Variants in GXYLT2 observed in about 807,000 individuals in gnomAD.
GXYLT2 encodes the protein glycosyltransferase 8 domain containing 4.
GXYLT2 carries 53 observed loss-of-function variants against 45.8 expected under a neutral mutation model. That is an observed-to-expected ratio of 1.16 (90% CI 0.93 to 1.46). GXYLT2 has a LOEUF of 1.46. Ranked by LOEUF, GXYLT2 falls within the 40% of genes most tolerant of loss-of-function variation. The probability of loss-of-function intolerance (pLI) is 0.00; values close to 1 mark genes in which losing one functional copy is unlikely to be tolerated. For missense variants in GXYLT2, 551 were observed against 544.4 expected (o/e 1.01, Z -0.12); for synonymous variants, 219 against 214.2 (o/e 1.02, Z -0.19).
chr3:72,938,183 C>T (rs770778727), intron 3 of GXYLT2, among the ~76,000 whole-genome samples: 11 of 152,152 alleles, frequency 7.2e-5, no homozygotes, highest in Non-Finnish European at 1.5e-4. Flanking sequence ...ACAGAAGGCA[C>T]TCTGTAAAAC....
chr3:72,960,889 T>C (rs948689888), intron 5 of GXYLT2, among the ~76,000 whole-genome samples: 3 of 152,242 alleles, frequency 2.0e-5, no homozygotes, highest in East Asian at 1.9e-4. Context: ...TTTATTGTTA[T>C]GGTTCTTCAG....
chr3:72,921,407 C>G (rs1322754023), intron 2 of GXYLT2, among the ~76,000 whole-genome samples: 9 of 151,960 alleles, frequency 5.9e-5, no homozygotes, highest in Non-Finnish European at 1.3e-4. Flanking sequence ...GTACATTATT[C>G]TATTTTTCTT....
At chr3:72,909,317 G>A (rs2107081772) in intron 2 of GXYLT2, among the ~76,000 whole-genome samples, 1 of 150,822 alleles carries the variant, frequency 6.6e-6, no homozygotes, top group Non-Finnish European at 1.5e-5. Context: ...TGATCCACCT[G>A]CCTGTCCCTC....
At chr3:72,956,477 A>C (rs752449332) in intron 4 of GXYLT2, among the ~76,000 whole-genome samples, 2 of 152,184 alleles carry the variant, frequency 1.3e-5, no homozygotes, top group Non-Finnish European at 2.9e-5. Context: ...TCCTTAAGAT[A>C]CCTGAACTCT....
chr3:72,953,775 A>T (rs1452251079), intron 3 of GXYLT2, among the ~76,000 whole-genome samples: 1 of 152,150 alleles, frequency 6.6e-6, no homozygotes. Context: ...TGCATTGCCT[A>T]ATCCCAAGAC....
intron 6 of GXYLT2, among the ~76,000 whole-genome samples, chr3:72,974,195 G>A (rs1321937876): frequency 2.6e-5 from 4 of 152,062 alleles, no homozygotes. Context: ...GTAACTAAGT[G>A]GTCTGAAAGA....
chr3:72,913,111 C>T (rs1005823625), intron 2 of GXYLT2, among the ~76,000 whole-genome samples: 11 of 150,030 alleles, frequency 7.3e-5, no homozygotes, highest in Admixed American at 2.7e-4. Context: ...AATCTCGGCT[C>T]ACTGCAAGCT....
chr3:72,953,756 C>T (rs1710573023), intron 3 of GXYLT2, among the ~76,000 whole-genome samples: 1 of 152,126 alleles, frequency 6.6e-6, no homozygotes, highest in Admixed American at 6.5e-5. Flanking sequence ...ACAAAGCTAG[C>T]CAATGACTTG....
chr3:72,908,330 T>G (rs1709547111), intron 1 of GXYLT2, 37 bp from the exon 2 acceptor site: 1 of 1,511,498 alleles, frequency 6.6e-7, no homozygotes, highest in African/African-American at 1.4e-5. Context: ...CTTTTTTGAG[T>G]TTAGTAATAG....
chr3:72,920,021 A>G (rs962849236), intron 2 of GXYLT2, among the ~76,000 whole-genome samples: 23 of 152,226 alleles, frequency 1.5e-4, no homozygotes, highest in African/African-American at 5.3e-4. Context: ...AATAGGGGAA[A>G]CTGTAGGGGA....
intron 2 of GXYLT2, among the ~76,000 whole-genome samples, 193 bp from the exon 3 acceptor site, chr3:72,922,011 A>G (rs1232996267): frequency 6.6e-6 from 1 of 152,126 alleles, no homozygotes; most frequent in African/African-American, 2.4e-5. Context: ...GGTGAATGTT[A>G]TTTTTTAAAA....
At chr3:72,913,023 G>GT (rs1709662119) in intron 2 of GXYLT2, among the ~76,000 whole-genome samples, 8 of 148,868 alleles carry the variant, frequency 5.4e-5, no homozygotes, top group African/African-American at 1.8e-4. Flanking sequence ...CATTTCCTCA[G>GT]GTTTTTTTTT....
chr3:72,939,149 AT>A (rs1410828293), intron 3 of GXYLT2, among the ~76,000 whole-genome samples: 1 of 152,204 alleles, frequency 6.6e-6, no homozygotes, highest in African/African-American at 2.4e-5. Context: ...CAATCTTAAA[AT>A]CTCAGATTAA....
At chr3:72,949,212 C>G (rs1419558225) in intron 3 of GXYLT2, among the ~76,000 whole-genome samples, 1 of 152,162 alleles carries the variant, frequency 6.6e-6, no homozygotes, top group South Asian at 2.1e-4. Context: ...TCTCTCACCC[C>G]TCCTCCCACT....
chr3:72,940,924 C>T (rs1374247888), intron 3 of GXYLT2, among the ~76,000 whole-genome samples: 4 of 152,142 alleles, frequency 2.6e-5, no homozygotes, highest in Non-Finnish European at 5.9e-5. Context: ...AAGCAATACT[C>T]CCACCTCGGT....
chr3:72,961,058 A>C (rs530395416), intron 5 of GXYLT2, among the ~76,000 whole-genome samples: 3 of 152,332 alleles, frequency 2.0e-5, no homozygotes, highest in African/African-American at 7.2e-5. Context: ...ATTAGATAGT[A>C]AATGCCTGTG....
At chr3:72,895,345 C>G (rs1709268756) in intron 1 of GXYLT2, among the ~76,000 whole-genome samples, 1 of 152,154 alleles carries the variant, frequency 6.6e-6, no homozygotes, top group African/African-American at 2.4e-5. Flanking sequence ...TCAACCTTTT[C>G]TAGATTCTGT....
At position 72,890,594 on chromosome 3, in the gene GXYLT2, A is replaced by G. The variant is rs117672533; in HGVS notation, c.275+2086A>G. On this transcript the variant is annotated intron_variant, in intron 1 of 6. Transcript: ENST00000389617. ...ATGTCAGGCCATAGACTTGCCTGCA[A>G]TTCGTAATTTTACTGAGATGTCTTT... Among the ~76,000 whole-genome samples the G allele has an allele frequency of 7.9e-5, 12 of 152,348 alleles. No individual in the cohort carries two copies. The East Asian group carries it at 2.3e-3, about 29-fold the overall frequency.
At chr3:72,945,041 A>G (rs1045993163) in intron 3 of GXYLT2, among the ~76,000 whole-genome samples, 1 of 151,864 alleles carries the variant, frequency 6.6e-6, no homozygotes, top group Non-Finnish European at 1.5e-5. Flanking sequence ...TCTCTTCTAC[A>G]ATCAGCCTCA....
Sources: allele counts gnomAD v4.1 joint callset (sites outside exome capture counted in the v4.1 genomes callset), GRCh38; gene constraint gnomAD v4.1.1; transcripts MANE v1.5; gene names NCBI Gene and HGNC (gene_info 2026-07-23, HGNC 2026-07-21).